The following RBFOX1 variants were observed in gnomAD, a reference collection of about 807,000 sequenced individuals.
The protein encoded by RBFOX1 is RNA binding protein fox-1 homolog 1.
RBFOX1 carries 8 observed loss-of-function variants against 57.7 expected under a neutral mutation model. The ratio of observed to expected loss-of-function variants is 0.14; its 90% confidence interval spans 0.08 to 0.25. The LOEUF (loss-of-function observed/expected upper bound fraction) is 0.25. Ranked by LOEUF, RBFOX1 falls within the 10% of genes least tolerant of loss-of-function variation. The probability of loss-of-function intolerance (pLI) is 1.00; values close to 1 mark genes in which losing one functional copy is unlikely to be tolerated. For missense variants in RBFOX1, 611 were observed against 548.5 expected (o/e 1.11, Z -1.14); for synonymous variants, 326 against 222.4 (o/e 1.47, Z -4.15).
intron 1 of RBFOX1, among the ~76,000 whole-genome samples, chr16:5,318,566 A>G (rs574978630): frequency 1.2e-4 from 18 of 149,056 alleles, no homozygotes; most frequent in Middle Eastern, 3.4e-3. Flanking sequence ...AGAGCAACCT[A>G]TTTGCATTGA....
intron 2 of RBFOX1, among the ~76,000 whole-genome samples, chr16:6,560,677 A>C (rs565884804): frequency 6.6e-6 from 1 of 152,288 alleles, no homozygotes; most frequent in Admixed American, 6.5e-5. Context: ...ATTTCAAATG[A>C]ATAATTTGAA....
chr16:7,418,055 G>C (rs1481968138), intron 4 of RBFOX1, among the ~76,000 whole-genome samples: 1 of 152,092 alleles, frequency 6.6e-6, no homozygotes, highest in Non-Finnish European at 1.5e-5. Context: ...TTCAGTCACT[G>C]GAGGCCAAGA....
intron 14 of RBFOX1, among the ~76,000 whole-genome samples, chr16:7,681,588 T>G (rs1353983333): frequency 6.6e-6 from 1 of 152,158 alleles, no homozygotes; most frequent in African/African-American, 2.4e-5. Context: ...ATACTAAAAA[T>G]TAAGGAATTG....
At chr16:6,940,659 G>A (rs188627140) in intron 3 of RBFOX1, among the ~76,000 whole-genome samples, 3 of 152,160 alleles carry the variant, frequency 2.0e-5, no homozygotes, top group East Asian at 1.9e-4. Flanking sequence ...GTGGAGCGAC[G>A]CGATCTCAGC....
At chr16:7,146,660 A>T (rs1600944474) in intron 4 of RBFOX1, among the ~76,000 whole-genome samples, 1 of 151,994 alleles carries the variant, frequency 6.6e-6, no homozygotes, top group South Asian at 2.1e-4. Flanking sequence ...CGTAAAAATA[A>T]CAATGCGGCT....
intron 3 of RBFOX1, among the ~76,000 whole-genome samples, chr16:6,880,311 C>A (rs1445093881): frequency 6.6e-6 from 1 of 152,148 alleles, no homozygotes; most frequent in African/African-American, 2.4e-5. Flanking sequence ...GACGAGGCAG[C>A]CAGAGAGACA....
At chr16:7,691,531 CAAAAA>C (rs112418106) in intron 14 of RBFOX1, among the ~76,000 whole-genome samples, 8,901 of 151,970 alleles carry the variant, frequency 0.059, 905 homozygotes, top group African/African-American at 0.2. Context: ...AGTGCAGACT[CAAAAA>C]GAATACTTTC....
chr16:5,554,894 C>T (rs1199305588), intron 2 of RBFOX1, among the ~76,000 whole-genome samples: 1 of 152,168 alleles, frequency 6.6e-6, no homozygotes, highest in African/African-American at 2.4e-5. Flanking sequence ...AACCTACAGA[C>T]CTTGAGTGCA....
intron 3 of RBFOX1, among the ~76,000 whole-genome samples, chr16:6,907,644 C>T (rs1214702615): frequency 6.6e-6 from 1 of 152,174 alleles, no homozygotes; most frequent in South Asian, 2.1e-4. Flanking sequence ...GATCTTGGCT[C>T]ACTGCAGCCT....
At chr16:7,498,517 T>C (rs539141400) in intron 4 of RBFOX1, among the ~76,000 whole-genome samples, 67 of 152,332 alleles carry the variant, frequency 4.4e-4, no homozygotes, top group African/African-American at 1.5e-3. Context: ...TTCAATATTT[T>C]ATTCAAGCAG....
intron 14 of RBFOX1, among the ~76,000 whole-genome samples, chr16:7,695,968 G>GAGAT (rs1054876937): frequency 2.0e-5 from 3 of 152,198 alleles, no homozygotes; most frequent in African/African-American, 7.2e-5. Context: ...GCTTCGGGTG[G>GAGAT]AGATAGTGAG....
intron 4 of RBFOX1, among the ~76,000 whole-genome samples, chr16:7,494,183 T>C (rs1454636031): frequency 6.6e-6 from 1 of 152,172 alleles, no homozygotes; most frequent in Non-Finnish European, 1.5e-5. Context: ...CTGGGATGTT[T>C]GTCAATTGCA....
intron 2 of RBFOX1, among the ~76,000 whole-genome samples, chr16:6,375,802 C>T (rs889739633): frequency 6.6e-6 from 1 of 152,130 alleles, no homozygotes; most frequent in African/African-American, 2.4e-5. Flanking sequence ...CCATGATGAA[C>T]AGGCATTTCC....
intron 1 of RBFOX1, among the ~76,000 whole-genome samples, chr16:5,360,262 C>T (rs761748811): frequency 9.2e-5 from 14 of 152,058 alleles, no homozygotes; most frequent in South Asian, 4.2e-4. Flanking sequence ...GGCTGGAGGG[C>T]GAGGGATAAT....
chr16:7,559,889 T>C (rs1002872412), intron 5 of RBFOX1, among the ~76,000 whole-genome samples: 2 of 152,200 alleles, frequency 1.3e-5, no homozygotes, highest in African/African-American at 4.8e-5. Flanking sequence ...ATGTCCAAGG[T>C]CAAATAGTTG....
chr16:6,386,124 A>G (rs1001750783), intron 2 of RBFOX1, among the ~76,000 whole-genome samples: 1 of 151,840 alleles, frequency 6.6e-6, no homozygotes, highest in African/African-American at 2.4e-5. Flanking sequence ...TTTAGTAGAG[A>G]CGGGGTTTCA....
At chr16:6,609,964 C>A (rs544053105) in intron 2 of RBFOX1, among the ~76,000 whole-genome samples, 1 of 151,948 alleles carries the variant, frequency 6.6e-6, no homozygotes, top group Non-Finnish European at 1.5e-5. Context: ...GCCGAGATCA[C>A]GCCATTGCAC....
intron 1 of RBFOX1, among the ~76,000 whole-genome samples, chr16:5,300,934 G>T (rs1441214125): frequency 6.6e-6 from 1 of 152,116 alleles, no homozygotes; most frequent in East Asian, 1.9e-4. Context: ...CTGTCTGTCT[G>T]TCTCTCTCTC....
At chr16:6,474,655 C>A (rs1453040304) in intron 2 of RBFOX1, among the ~76,000 whole-genome samples, 2 of 152,122 alleles carry the variant, frequency 1.3e-5, no homozygotes, top group African/African-American at 2.4e-5. Flanking sequence ...CGAGGGAACC[C>A]AGCCAGGGAA....
Sources: gnomAD v4.1 joint callset for allele counts (sites outside exome capture counted in the v4.1 genomes callset) on GRCh38, gnomAD v4.1.1 for gene constraint, MANE v1.5 for transcripts, NCBI Gene and HGNC (gene_info 2026-07-23, HGNC 2026-07-21) for gene names.